Variants in HEATR6 observed in about 807,000 individuals in gnomAD.
HEATR6 encodes the protein HEAT repeat containing 6, also known as HEAT repeat-containing protein 6.
HEATR6 carries 106 observed loss-of-function variants against 132.8 expected under a neutral mutation model. The ratio of observed to expected loss-of-function variants is 0.80; its 90% CI spans 0.68 to 0.94. HEATR6 has a LOEUF of 0.94. Among genes scored for constraint, HEATR6 ranks in the 40% least tolerant of loss-of-function variants. The probability of loss-of-function intolerance (pLI) is 0.00; values close to 1 mark genes in which losing one functional copy is unlikely to be tolerated. For missense variants in HEATR6, 1,339 were observed against 1,425.1 expected (o/e 0.94, Z 0.97); for synonymous variants, 529 against 537.8 (o/e 0.98, Z 0.23).
Position 60,059,431 on chromosome 17 carries a change from G to A in HEATR6, c.1714C>T (p.Arg572Cys), listed in dbSNP as rs768489630. The change falls in exon 11 of 20, where the codon CGC becomes TGC. Residue 572 changes from arginine to cysteine, a missense_variant. By Grantham distance (180) the Arg-to-Cys change is radical. Coordinates refer to ENST00000184956, the MANE Select transcript of HEATR6 (RefSeq NM_022070.5). The stretch of plus-strand genomic sequence containing the variant: ...TTAAGCCACTACAAACCTTTGTGGC[G>A]AATATAAGGCTTTATCTGGTTCCAG... ...KVWNQIKPYI[R>C]HKDVNVRVSS... 6.8e-6 allele frequency: 11 copies of A among 1,608,716 alleles called. No individual in the cohort carries two copies. Among genetic ancestry groups the A allele is most frequent in the Non-Finnish European group, 8.5e-6 (10 of 1,176,320 alleles).
intron 14 of HEATR6, among the ~76,000 whole-genome samples, chr17:60,053,074 G>A (rs955522213): frequency 1.3e-5 from 2 of 152,168 alleles, no homozygotes; most frequent in Non-Finnish European, 2.9e-5. Flanking sequence ...AATGTTGGAG[G>A]TGGGCCTAGA....
intron 19 of HEATR6, 135 bp from the exon 20 acceptor site, chr17:60,044,269 A>G (rs1906288972): frequency 1.5e-6 from 1 of 675,000 alleles, no homozygotes; most frequent in Admixed American, 3.0e-5. Flanking sequence ...TCTCACAATC[A>G]TCCTGTAAGA....
chr17:60,076,441 A>G, intron 1 of HEATR6: 2 of 509,224 alleles, frequency 3.9e-6, no homozygotes, highest in Non-Finnish European at 7.0e-6. Flanking sequence ...AGTGGCTCAC[A>G]CCTAATCCCA....
rs1906654070 is a variant in HEATR6, at chr17:60,053,650, T to G, written c.2289+1865A>C. ...AGGTCTCAGATAGAAATAAAAAAGT[T>G]TGAAGAACTGGAGGAAAGGTCACCT... On this transcript the variant is annotated intron_variant, in intron 14 of 19. Coordinates refer to ENST00000184956, the MANE Select transcript of HEATR6 (RefSeq NM_022070.5). 2.6e-5 allele frequency among the ~76,000 whole-genome samples: 4 copies of G among 152,182 alleles called. No homozygotes were observed. The South Asian group carries it at 8.3e-4, about 32-fold the overall frequency.
chr17:60,070,208 C>G (rs531404770), intron 6 of HEATR6, among the ~76,000 whole-genome samples: 2 of 152,254 alleles, frequency 1.3e-5, no homozygotes, highest in South Asian at 4.1e-4. Flanking sequence ...ATAGCTATCT[C>G]TCTATTTGAT....
chr17:60,073,426 C>A, intron 3 of HEATR6, 147 bp from the exon 4 acceptor site: 1 of 615,620 alleles, frequency 1.6e-6, no homozygotes, highest in Admixed American at 2.9e-5. Context: ...GATGGATATG[C>A]AAAGATATGC....
Position 60,076,127 on chromosome 17 carries a change from T to G in HEATR6, c.327+3A>C. Reference sequence around the variant, plus strand: ...TGAATTCTAGAGTTACATACATGATTACCTGTAATCTGTTAAGTAAATGGT... The same window carrying G: ...TGAATTCTAGAGTTACATACATGATGACCTGTAATCTGTTAAGTAAATGGT... On this transcript the variant is annotated splice_donor_region_variant and intron_variant, in intron 2 of 19. Transcript: ENST00000184956. 1 of 1,524,568 alleles carries G rather than the reference T, an allele frequency of 6.6e-7. No individual in the cohort carries two copies. The highest frequency in any genetic ancestry group is 9.1e-7 in the Non-Finnish European group (1 of 1,100,216). 94.4% of individuals were successfully genotyped at this position (1,524,568 alleles called of 1,614,324 possible).
chr17:60,078,423 G>A (rs1468490399), intron 1 of HEATR6, among the ~76,000 whole-genome samples: 3 of 152,198 alleles, frequency 2.0e-5, no homozygotes, highest in Non-Finnish European at 2.9e-5. Context: ...GGAGGGTGCG[G>A]GCGGATGGAA....
chr17:60,077,312 A>T (rs2145205043), intron 1 of HEATR6, among the ~76,000 whole-genome samples: 1 of 152,338 alleles, frequency 6.6e-6, no homozygotes, highest in South Asian at 2.1e-4. Context: ...CAAAGTGGAC[A>T]GAGTATGCAA....
chr17:60,070,715 A>G lies in HEATR6; in HGVS notation c.792T>C (p.Ala264=). The change falls in exon 6 of 20, where the codon GCT becomes GCC. Residue 264 remains alanine (A), a synonymous_variant. Coordinates refer to ENST00000184956, the MANE Select transcript of HEATR6 (RefSeq NM_022070.5). ...TGAAGACTTGCCTTACCTTTAGCACAGCTAAAAGTGCTCCAAGTTCATCAG... is the reference window on the plus strand; with the variant it reads ...TGAAGACTTGCCTTACCTTTAGCACGGCTAAAAGTGCTCCAAGTTCATCAG... ...TQTDELGALL[A]VLKKFMFHGL... is the part of the protein sequence containing the mutation. The G allele has an allele frequency of 6.3e-7, 1 of 1,581,950 alleles. No homozygotes were observed. Among genetic ancestry groups the G allele is most frequent in the South Asian group, 1.1e-5 (1 of 90,438 alleles).
Position 60,048,286 on chromosome 17 carries a change from T to C in HEATR6, c.2650A>G (p.Thr884Ala). Reference sequence around the variant, plus strand: ...TACATGTTGACAATCAGAGTGTCTGTCAGGTTGCCCAGGGACCAGGCTGCT... The same window carrying C: ...TACATGTTGACAATCAGAGTGTCTGCCAGGTTGCCCAGGGACCAGGCTGCT... ...AKAAWSLGNL[T>A]DTLIVNMETP... The change falls in exon 17 of 20, where the codon ACA becomes GCA. Residue 884 changes from threonine to alanine, a missense_variant. By Grantham distance (58) the Thr-to-Ala change is moderately conservative (BLOSUM62 0). Transcript: ENST00000184956. 1 of 1,613,732 alleles carries C rather than the reference T, an allele frequency of 6.2e-7. No individual in the cohort carries two copies.
In HEATR6 at chr17:60,041,440, TA is replaced by T. The variant is rs1191208272; in HGVS notation, c.*2122del. ...TCACAGTAATAAGCTGTCTATGCCA[TA>T]TTTTTTTTTTCCTTTTTTGAAAATG... On this transcript the variant is annotated 3_prime_UTR_variant, in exon 20 of 20. Coordinates refer to ENST00000184956, the MANE Select transcript of HEATR6 (RefSeq NM_022070.5). Among the ~76,000 whole-genome samples, 1 of 152,196 alleles carries T rather than the reference TA, an allele frequency of 6.6e-6. No homozygotes were observed. Among genetic ancestry groups the T allele is most frequent in the Non-Finnish European group, 1.5e-5 (1 of 68,034 alleles).
intron 5 of HEATR6, among the ~76,000 whole-genome samples, chr17:60,071,254 A>G (rs1265329648): frequency 2.6e-5 from 4 of 152,206 alleles, no homozygotes; most frequent in Non-Finnish European, 4.4e-5. Context: ...AATTCTGACC[A>G]AGATTGATTT....
At chr17:60,055,309 C>T (rs911395380) in intron 14 of HEATR6, among the ~76,000 whole-genome samples, 3 of 152,162 alleles carry the variant, frequency 2.0e-5, no homozygotes, top group Non-Finnish European at 2.9e-5. Flanking sequence ...ATATGTTATA[C>T]ATAAGCCTAC....
At chr17:60,078,290 C>T (rs75918789) in intron 1 of HEATR6, among the ~76,000 whole-genome samples, 40 of 152,270 alleles carry the variant, frequency 2.6e-4, no homozygotes, top group African/African-American at 9.1e-4. Context: ...TTTTCATTAG[C>T]AAACAAGCCC....
Position 60,057,374 on chromosome 17 carries a change from G to A in HEATR6, c.1753C>T (p.Leu585Phe). ...DVNVRVSSLT[L>F]LGAIVSTHAP... ...TGGGTGGACACTATAGCTCCCAAGA[G>A]TGTGAGACTTGACACACGAACATTA... The change falls in exon 12 of 20, where the codon CTC becomes TTC. Residue 585 changes from leucine (L) to phenylalanine (F), a missense_variant. Physicochemically the swap from Leu to Phe is conservative, Grantham distance 22. Transcript: ENST00000184956. The A allele has an allele frequency of 6.2e-7, 1 of 1,605,816 alleles. No homozygotes were observed. The highest frequency in any genetic ancestry group is 8.5e-7 in the Non-Finnish European group (1 of 1,174,860).
intron 16 of HEATR6, among the ~76,000 whole-genome samples, chr17:60,049,161 C>T (rs1284420632): frequency 7.8e-6 from 1 of 128,838 alleles, no homozygotes; most frequent in South Asian, 2.2e-4. Flanking sequence ...GTGTGTCTGG[C>T]TCTGCCACCC....
chr17:60,048,313 T>G lies in HEATR6; in HGVS notation c.2623A>C (p.Lys875Gln). The G allele has an allele frequency of 6.2e-7, 1 of 1,613,772 alleles. No individual in the cohort carries two copies. Among genetic ancestry groups the G allele is most frequent in the Non-Finnish European group, 8.5e-7 (1 of 1,179,770 alleles). ...AGGTTGCCCAGGGACCAGGCTGCTTTGGCTCGAACATTCAGAGACTTGTCT... is the reference window on the plus strand; with the variant it reads ...AGGTTGCCCAGGGACCAGGCTGCTTGGGCTCGAACATTCAGAGACTTGTCT... ...LEDKSLNVRA[K>Q]AAWSLGNLTD... is the part of the protein sequence containing the mutation. The change falls in exon 17 of 20, where the codon AAA becomes CAA. Residue 875 changes from lysine (K) to glutamine (Q), a missense_variant. Physicochemically the swap from Lys to Gln is moderately conservative, Grantham distance 53 (BLOSUM62 1). Coordinates refer to ENST00000184956, the MANE Select transcript of HEATR6 (RefSeq NM_022070.5).
rs1449211841 is a variant in HEATR6 at position 60,041,825 on chromosome 17, A to AT, written c.*1737dup. Among the ~76,000 whole-genome samples the AT allele has an allele frequency of 6.6e-6, 1 of 152,208 alleles. No individual in the cohort carries two copies. The highest frequency in any genetic ancestry group is 2.4e-5 in the African/African-American group (1 of 41,462). On this transcript the variant is annotated 3_prime_UTR_variant, in exon 20 of 20. Coordinates refer to ENST00000184956, the MANE Select transcript of HEATR6 (RefSeq NM_022070.5). Reference sequence around the variant, plus strand: ...GGAAGACACCTGCCTTTACACGTGTATTTTAAGCTAAATAACCATGATAAA... The same window carrying AT: ...GGAAGACACCTGCCTTTACACGTGTATTTTTAAGCTAAATAACCATGATAAA...
Sources: allele counts gnomAD v4.1 joint callset (sites outside exome capture counted in the v4.1 genomes callset), GRCh38; gene constraint gnomAD v4.1.1; transcripts MANE v1.5; gene names NCBI Gene and HGNC (gene_info 2026-07-23, HGNC 2026-07-21).